HTR4: variants seen among roughly 807,000 people sequenced by gnomAD.
HTR4 encodes 5-hydroxytryptamine receptor 4.
Under a neutral mutation model 36.8 loss-of-function variants are expected in HTR4, and 16 were observed. That is an observed-to-expected ratio of 0.43 (90% CI 0.29 to 0.66). The LOEUF (loss-of-function observed/expected upper bound fraction) is 0.66. HTR4 is among the 30% of genes least tolerant of loss of function. HTR4 has a pLI of 0.13. For missense variants in HTR4, 438 were observed against 490.9 expected (o/e 0.89, Z 1.02); for synonymous variants, 189 against 185.1 (o/e 1.02, Z -0.17).
chr5:148,616,822 C>T lies in HTR4; in HGVS notation c.26+20167G>A, dbSNP rs538332672. On this transcript the variant is annotated intron_variant, in intron 2 of 6. Transcript: ENST00000377888. ...GTTATAACTTACCTTATAAACTCCA[C>T]AATAGCCAACATAGTTTTTAATGAC... 2.0e-5 allele frequency among the ~76,000 whole-genome samples: 3 copies of T among 152,250 alleles called. No individual in the cohort carries two copies. In the South Asian group the frequency reaches 6.2e-4, roughly 32 times the overall value.
chr5:148,585,599 A>G (rs1761315285), intron 2 of HTR4, among the ~76,000 whole-genome samples: 2 of 152,172 alleles, frequency 1.3e-5, no homozygotes, highest in African/African-American at 4.8e-5. Flanking sequence ...GACCATCTCA[A>G]TCACAGCTGA....
In HTR4 at chr5:148,482,485, A is replaced by AT; in HGVS notation, c.*717dup. ...TCCCTCCAGAGTTGCTGTGGAGACCATTTTCCTCTGACAGATCTCTGACCC... is the reference window on the plus strand; with the variant it reads ...TCCCTCCAGAGTTGCTGTGGAGACCATTTTTCCTCTGACAGATCTCTGACCC... On this transcript the variant is annotated 3_prime_UTR_variant, in exon 7 of 7. Coordinates refer to ENST00000377888, the MANE Select transcript of HTR4 (RefSeq NM_000870.7). 1.0e-6 allele frequency: 1 copy of AT among 985,548 alleles called. No homozygotes were observed. The highest frequency in any genetic ancestry group is 4.7e-5 in the South Asian group (1 of 21,286). 61.1% of individuals were successfully genotyped at this position (985,548 alleles called of 1,614,324 possible).
At chr5:148,535,327 T>C (rs545680055) in intron 4 of HTR4, among the ~76,000 whole-genome samples, 7 of 152,254 alleles carry the variant, frequency 4.6e-5, no homozygotes, top group African/African-American at 1.7e-4. Flanking sequence ...GACCAGAGCA[T>C]TGTTATGTTT....
rs367610441 is a variant in HTR4 at position 148,465,548 on chromosome 5, A to G, written c.1077-14276T>C. Among the ~76,000 whole-genome samples the G allele has an allele frequency of 3.3e-4, 50 of 152,332 alleles. No individual in the cohort carries two copies. The South Asian group carries it at 0.01, about 31-fold the overall frequency. On this transcript the variant is annotated intron_variant, in intron 5 of 5. Transcript: ENST00000521530. The stretch of plus-strand genomic sequence containing the variant: ...TAATCCAGATGAGAGGACTTCTAAG[A>G]ATCACAGTTATACTGGGTGATTTCA...
intron 2 of HTR4, among the ~76,000 whole-genome samples, chr5:148,631,655 T>TA (rs1380825006): frequency 1.3e-5 from 2 of 152,172 alleles, no homozygotes; most frequent in Non-Finnish European, 2.9e-5. Context: ...CTTTTCTGTT[T>TA]AAAAAATTTC....
intron 4 of HTR4, among the ~76,000 whole-genome samples, chr5:148,525,885 C>A (rs1389974931): frequency 6.6e-6 from 1 of 152,104 alleles, no homozygotes; most frequent in Non-Finnish European, 1.5e-5. Flanking sequence ...TCAGGGTGAT[C>A]CTGAATCCAA....
At chr5:148,629,660 T>C (rs1286121518) in intron 2 of HTR4, 1 of 152,146 alleles carries the variant, frequency 6.6e-6, no homozygotes, top group Non-Finnish European at 1.5e-5. Flanking sequence ...CAAGGTAAAC[T>C]GCACAAAAGA....
chr5:148,485,625 TAAAGA>T (rs1356563798), intron 6 of HTR4, among the ~76,000 whole-genome samples: 1 of 152,168 alleles, frequency 6.6e-6, no homozygotes, highest in African/African-American at 2.4e-5. Context: ...ATCTGACCAT[TAAAGA>T]AGAGTCATTG....
At chr5:148,521,518 G>T (rs576311891) in intron 5 of HTR4, among the ~76,000 whole-genome samples, 1 of 151,508 alleles carries the variant, frequency 6.6e-6, no homozygotes, top group Non-Finnish European at 1.5e-5. Flanking sequence ...CTAGTGTGCC[G>T]GCATTTGGAC....
chr5:148,460,221 T>TTCATGGAGAATAAATAA (rs1312154746), intron 5 of HTR4, among the ~76,000 whole-genome samples: 2 of 151,724 alleles, frequency 1.3e-5, no homozygotes, highest in Non-Finnish European at 2.9e-5. Context: ...GAAGAAATAT[T>TTCATGGAGAATAAATAA]TCATGGAGAA....
At chr5:148,611,519 T>G (rs1408142431) in intron 2 of HTR4, among the ~76,000 whole-genome samples, 1 of 132,136 alleles carries the variant, frequency 7.6e-6, no homozygotes, top group African/African-American at 2.9e-5. Context: ...AAAGAGCTCC[T>G]GAAGGAAGCG....
intron 2 of HTR4, among the ~76,000 whole-genome samples, chr5:148,616,381 T>C (rs1043808309): frequency 6.6e-6 from 1 of 152,216 alleles, no homozygotes; most frequent in African/African-American, 2.4e-5. Context: ...GCTGCACCTA[T>C]AGCCTGAGTT....
chr5:148,647,264 T>C (rs1753899508), intron 1 of HTR4, among the ~76,000 whole-genome samples: 1 of 152,206 alleles, frequency 6.6e-6, no homozygotes, highest in African/African-American at 2.4e-5. Context: ...TATTTTGAAA[T>C]GTTGAGAAGG....
At chr5:148,520,693 G>C (rs750229802) in intron 5 of HTR4, among the ~76,000 whole-genome samples, 3 of 152,084 alleles carry the variant, frequency 2.0e-5, no homozygotes, top group Non-Finnish European at 4.4e-5. Flanking sequence ...GATTAACAGG[G>C]GGCTTCATAC....
At chr5:148,639,616 A>AATATATATAT (rs1159623162) in intron 1 of HTR4, among the ~76,000 whole-genome samples, 1 of 69,168 alleles carries the variant, frequency 1.4e-5, no homozygotes, top group African/African-American at 6.7e-5. Context: ...TTTTCTTCCC[A>AATATATATAT]GTATATATAT....
intron 4 of HTR4, among the ~76,000 whole-genome samples, chr5:148,535,144 T>C (rs1373612590): frequency 6.6e-6 from 1 of 152,110 alleles, no homozygotes; most frequent in Non-Finnish European, 1.5e-5. Flanking sequence ...TACCCACCTC[T>C]GAAACCAAAG....
chr5:148,632,300 G>A (rs1248107926), intron 2 of HTR4, among the ~76,000 whole-genome samples: 4 of 152,208 alleles, frequency 2.6e-5, no homozygotes, highest in East Asian at 1.9e-4. Context: ...AGCAAAGGGC[G>A]GAAAATGCTA....
intron 4 of HTR4, among the ~76,000 whole-genome samples, chr5:148,542,582 CA>C: frequency 6.6e-6 from 1 of 151,564 alleles, no homozygotes; most frequent in South Asian, 2.1e-4. Context: ...TGGGTGTATC[CA>C]AAAAAGAATC....
intron 4 of HTR4, among the ~76,000 whole-genome samples, chr5:148,527,597 G>A (rs1758344815): frequency 6.6e-6 from 1 of 152,138 alleles, no homozygotes. Flanking sequence ...TGTGAATGTA[G>A]TACACATTTT....
Sources: allele counts gnomAD v4.1 joint callset (sites outside exome capture counted in the v4.1 genomes callset), GRCh38; gene constraint gnomAD v4.1.1; transcripts MANE v1.5; gene names NCBI Gene and HGNC (gene_info 2026-07-23, HGNC 2026-07-21).